The following RPS4Y2 variants were observed in gnomAD, a reference collection of about 807,000 sequenced individuals.
The protein encoded by RPS4Y2 is small ribosomal subunit protein eS4, Y isoform 2.
Under a neutral mutation model 5.0 loss-of-function variants are expected in RPS4Y2, and 6 were observed. That is an observed-to-expected ratio of 1.20 (90% CI 0.66 to 2.37). The LOEUF (loss-of-function observed/expected upper bound fraction) is 2.37. Ranked by LOEUF, RPS4Y2 falls within the 30% of genes most tolerant of loss-of-function variation. RPS4Y2 has a pLI of 0.00. For missense variants in RPS4Y2, 80 were observed against 59.5 expected (o/e 1.34, Z -1.13); for synonymous variants, 19 against 19.9 (o/e 0.96, Z 0.12).
Position 20,756,824 on chromosome Y carries a change from A to G in RPS4Y2, c.50A>G (p.His17Arg). ...KHLKRVAAPK[H>R]WMLDKLTGVF... Reference sequence around the variant, plus strand: ...TTGAAGCGTGTTGCAGCGCCGAAGCATTGGATGCTGGATAAACTAACTGGT... The same window carrying G: ...TTGAAGCGTGTTGCAGCGCCGAAGCGTTGGATGCTGGATAAACTAACTGGT... The change falls in exon 2 of 7, where the codon CAT (histidine) becomes CGT (arginine). Residue 17 changes from histidine (H) to arginine (R), a missense_variant. Coordinates refer to ENST00000629237, the MANE Select transcript of RPS4Y2 (RefSeq NM_001039567.3). The G allele has an allele frequency of 2.5e-6, 1 of 398,786 alleles. No homozygotes were observed.
chrY:20,779,393 A>T, intron 5 of RPS4Y2, 116 bp from the exon 6 acceptor site: 1 of 187,295 alleles, frequency 5.3e-6, no homozygotes, highest in South Asian at 4.9e-5. Context: ...TTTTGTAATG[A>T]TGCTCCATTT....
At chrY:20,759,809 T>C in intron 2 of RPS4Y2, 59 bp from the exon 3 acceptor site, 1 of 343,378 alleles carries the variant, frequency 2.9e-6, no homozygotes, top group Non-Finnish European at 4.3e-6. Flanking sequence ...ATCTACTCAA[T>C]CTGGTTATGT....
chrY:20,761,331 A>G lies in RPS4Y2; in HGVS notation c.310A>G (p.Asn104Asp). The G allele has an allele frequency of 5.1e-6, 2 of 395,583 alleles. No individual in the cohort carries two copies. The highest frequency in any genetic ancestry group is 3.6e-6 in the Non-Finnish European group (1 of 280,549). The change falls in exon 4 of 7, where the codon AAT becomes GAT. Residue 104 changes from asparagine (N) to aspartate (D), a missense_variant. Coordinates refer to ENST00000629237, the MANE Select transcript of RPS4Y2 (RefSeq NM_001039567.3). ...KTGEHFRLVY[N>D]TKGCFAVHRI... is the part of the protein sequence containing the mutation. ...AGGTGAGCATTTCCGCCTGGTCTAT[A>G]ATACCAAGGGCTGTTTTGCTGTTCA...
chrY:20,769,048 T>C (rs2089439294), intron 5 of RPS4Y2, 72 bp downstream of exon 5: 1 of 191,152 alleles, frequency 5.2e-6, no homozygotes, highest in Non-Finnish European at 9.0e-6. Context: ...TTTTTCTATC[T>C]TTTCTTTCTA....
rs758096205 is a variant in RPS4Y2 at position 20,761,313 on chromosome Y, C to T, written c.292C>T (p.His98Tyr). 5.1e-6 allele frequency: 2 copies of T among 394,390 alleles called. No individual in the cohort carries two copies. Among genetic ancestry groups the T allele is most frequent in the Non-Finnish European group, 7.2e-6 (2 of 279,606 alleles). ...DVISIEKTGEHFRLVYNTKGC... is the reference protein window; with the variant it reads ...DVISIEKTGEYFRLVYNTKGC... The stretch of plus-strand genomic sequence containing the variant: ...CATCAGCATTGAGAAAACAGGTGAG[C>T]ATTTCCGCCTGGTCTATAATACCAA... The change falls in exon 4 of 7, where the codon CAT becomes TAT. Residue 98 changes from histidine to tyrosine, a missense_variant. Physicochemically the swap from His to Tyr is moderately conservative, Grantham distance 83. Transcript: ENST00000629237.
intron 4 of RPS4Y2, 81 bp from the exon 5 acceptor site, chrY:20,768,724 G>C: frequency 4.3e-6 from 1 of 233,108 alleles, no homozygotes; most frequent in South Asian, 3.5e-5. Context: ...GTTGAAAATT[G>C]GTGGGATTAA....
At position 20,756,125 on chromosome Y, in the gene RPS4Y2, C is replaced by G. The variant is rs753818084; in HGVS notation, c.-39C>G. ...TTATCACCGCAGATTACGGTTGCAC[C>G]GTAAAAGGAGAGGTTCTGTTCCGTC... On this transcript the variant is annotated 5_prime_UTR_variant, in exon 1 of 7. Coordinates refer to ENST00000629237, the MANE Select transcript of RPS4Y2 (RefSeq NM_001039567.3). The G allele has an allele frequency of 4.1e-5, 16 of 393,347 alleles. No individual in the cohort carries two copies. Among genetic ancestry groups the G allele is most frequent in the Non-Finnish European group, 7.2e-6 (2 of 278,571 alleles).
chrY:20,780,790 C>T, intron 6 of RPS4Y2, 141 bp from the exon 7 acceptor site: 1 of 137,376 alleles, frequency 7.3e-6, no homozygotes, highest in Non-Finnish European at 1.4e-5. Context: ...TGTTAGCTGC[C>T]CCTTAATGTA....
chrY:20,768,898 C>A lies in RPS4Y2; in HGVS notation c.454C>A (p.Pro152Thr). 2.6e-6 allele frequency: 1 copy of A among 390,842 alleles called. No homozygotes were observed. Among genetic ancestry groups the A allele is most frequent in the Non-Finnish European group, 3.6e-6 (1 of 276,329 alleles). Reference sequence around the variant, plus strand: ...TGCTCGAACCATTCGCTACCCAGATCCTCTCATCAAGGTGAACGATACTGT... The same window carrying A: ...TGCTCGAACCATTCGCTACCCAGATACTCTCATCAAGGTGAACGATACTGT... ...HDARTIRYPD[P>T]LIKVNDTVQI... The change falls in exon 5 of 7, where the codon CCT becomes ACT. Residue 152 changes from proline (P) to threonine (T), a missense_variant. Coordinates refer to ENST00000629237, the MANE Select transcript of RPS4Y2 (RefSeq NM_001039567.3).
chrY:20,760,032 C>A lies in RPS4Y2; in HGVS notation c.246C>A (p.Tyr82Ter), dbSNP rs1219195721. The A allele has an allele frequency of 2.5e-6, 1 of 396,470 alleles. No homozygotes were observed. Among genetic ancestry groups the A allele is most frequent in the South Asian group, 3.0e-5 (1 of 33,738 alleles). Residue 82 changes from tyrosine to a stop codon, truncating the protein, a stop_gained, in exon 3 of 7, where the codon TAC (tyrosine) becomes TAA (stop). Transcript: ENST00000629237. LOFTEE classifies it high-confidence loss of function. ...IDGKVRVDIT[Y>*]PAGFIDVISI... Reference sequence around the variant, plus strand: ...GCAAGGTTCGAGTGGACATCACATACCCTGCTGGATTCATAGGTAAGGAAA... The same window carrying A: ...GCAAGGTTCGAGTGGACATCACATAACCTGCTGGATTCATAGGTAAGGAAA...
intron 4 of RPS4Y2, 48 bp from the exon 5 acceptor site, chrY:20,768,757 G>A: frequency 3.2e-6 from 1 of 316,706 alleles, no homozygotes; most frequent in Non-Finnish European, 4.8e-6. Flanking sequence ...GACTGCTTTG[G>A]GCTGAGTTTG....
intron 2 of RPS4Y2, 41 bp from the exon 3 acceptor site, chrY:20,759,827 G>A (rs771857045): frequency 3.4e-5 from 13 of 380,693 alleles, no homozygotes; most frequent in African/African-American, 3.1e-4. Context: ...TGTAAGGGGC[G>A]GATCTTGAGA....
chrY:20,769,004 T>C, intron 5 of RPS4Y2, 28 bp downstream of exon 5: 1 of 303,631 alleles, frequency 3.3e-6, no homozygotes, highest in East Asian at 9.6e-5. Flanking sequence ...GTTTTTTTTT[T>C]CCCTTGTCTG....
intron 2 of RPS4Y2, 131 bp from the exon 3 acceptor site, chrY:20,759,737 G>A: frequency 5.7e-6 from 1 of 176,794 alleles, no homozygotes; most frequent in Non-Finnish European, 1.0e-5. Flanking sequence ...TGAAATAATT[G>A]CCCTCTTATA....
At chrY:20,768,662 T>A in intron 4 of RPS4Y2, 143 bp from the exon 5 acceptor site, 1 of 167,929 alleles carries the variant, frequency 6.0e-6, no homozygotes, top group South Asian at 4.6e-5. Context: ...CCATCAGCTC[T>A]GTGACTGGTT....
chrY:20,756,187 C>T (rs780712197), intron 1 of RPS4Y2, 21 bp downstream of exon 1: 1 of 394,014 alleles, frequency 2.5e-6, no homozygotes. Flanking sequence ...TGCGTCCTAG[C>T]TCCGGATTTA....
rs1187107203 is a variant in RPS4Y2, at chrY:20,779,678, ACT to A, written c.690+17_690+18del. On this transcript the variant is annotated intron_variant, in intron 6 of 6. Transcript: ENST00000629237. ...TTGTCATTGGCAATGTAAGACTTGC[ACT>A]CTCTTTACTACTTTCTAAGAAGACT... 1 of 380,428 alleles carries A rather than the reference ACT, an allele frequency of 2.6e-6. No individual in the cohort carries two copies. Among genetic ancestry groups the A allele is most frequent in the Non-Finnish European group, 3.7e-6 (1 of 266,946 alleles). The allele number at this position is 380,428 out of a possible 400,897, so 94.9% of individuals were successfully genotyped here.
intron 4 of RPS4Y2, 65 bp downstream of exon 4, chrY:20,761,446 G>A: frequency 4.5e-6 from 1 of 223,051 alleles, no homozygotes. Flanking sequence ...CGGCATTTAA[G>A]CCATATTCTG....
Position 20,761,356 on chromosome Y carries a change from A to G in RPS4Y2, c.335A>G (p.His112Arg). The G allele has an allele frequency of 2.6e-6, 1 of 390,043 alleles. No individual in the cohort carries two copies. Among genetic ancestry groups the G allele is most frequent in the Non-Finnish European group, 3.6e-6 (1 of 275,428 alleles). Residue 112 changes from histidine to arginine, a missense_variant, in exon 4 of 7, where the codon CAT becomes CGT. Physicochemically the swap from His to Arg is conservative, Grantham distance 29. Coordinates refer to ENST00000629237, the MANE Select transcript of RPS4Y2 (RefSeq NM_001039567.3). The part of the protein sequence containing the change: ...VYNTKGCFAV[H>R]RITVEEAKYK... ...AATACCAAGGGCTGTTTTGCTGTTC[A>G]TCGTATCACAGTGGAAGAGGCAAAG...
Sources: gnomAD v4.1 joint callset for allele counts on GRCh38, gnomAD v4.1.1 for gene constraint, MANE v1.5 for transcripts, NCBI Gene and HGNC (gene_info 2026-07-23, HGNC 2026-07-21) for gene names.